The following MTMR3 variants were observed in gnomAD, a reference collection of about 807,000 sequenced individuals.
The protein encoded by MTMR3 is myotubularin related protein 3, also known as phosphatidylinositol-3,5-bisphosphate 3-phosphatase MTMR3.
In MTMR3, 32 loss-of-function variants were observed where a neutral mutation model predicts 132.4. The ratio of observed to expected loss-of-function variants is 0.24; its 90% confidence interval spans 0.18 to 0.32. MTMR3 has a LOEUF of 0.32. Ranked by LOEUF, MTMR3 falls within the 10% of genes least tolerant of loss-of-function variation. MTMR3 has a pLI of 1.00. For synonymous variants in MTMR3, 556 were observed against 550.3 expected, an observed-to-expected ratio of 1.01 and a Z score of -0.14; for missense variants, 1,216 against 1,489.6, an observed-to-expected ratio of 0.82 and a Z score of 3.02.
chr22:29,903,393 T>TA (rs1211095748), intron 1 of MTMR3, among the ~76,000 whole-genome samples: 1 of 144,412 alleles, frequency 6.9e-6, no homozygotes, highest in Non-Finnish European at 1.5e-5. Context: ...TTTCTTTCTT[T>TA]TTTTTTTTTT....
chr22:29,907,467 T>TA (rs1224885603), intron 1 of MTMR3, among the ~76,000 whole-genome samples: 2 of 152,114 alleles, frequency 1.3e-5, no homozygotes, highest in African/African-American at 4.8e-5. Context: ...AGCTACTTAC[T>TA]AAAGAGTAGA....
intron 1 of MTMR3, among the ~76,000 whole-genome samples, chr22:29,946,021 T>TTGTCTGTGTG (rs2065947005): frequency 6.6e-6 from 1 of 150,780 alleles, no homozygotes; most frequent in East Asian, 1.9e-4. Flanking sequence ...GTGTATATAT[T>TTGTCTGTGTG]TGTGTGTGTG....
chr22:30,005,877 T>C (rs972660047), intron 9 of MTMR3: 3 of 152,182 alleles, frequency 2.0e-5, no homozygotes, highest in African/African-American at 7.2e-5. Flanking sequence ...AGTGCTTCAG[T>C]TTTATATAGA....
chr22:29,950,025 A>G (rs532944637), intron 1 of MTMR3, among the ~76,000 whole-genome samples: 5 of 152,340 alleles, frequency 3.3e-5, no homozygotes, highest in Non-Finnish European at 5.9e-5. Flanking sequence ...TGAGAGCAAG[A>G]AGCAGGACAT....
chr22:30,020,546 G>A lies in MTMR3; in HGVS notation c.2887G>A (p.Ala963Thr). ...TPNGHCANGE[A>T]GRSKDSLSRQ... ...CAATGGGCATTGCGCCAATGGGGAG[G>A]CTGGTAGGAGCAAGGACTCACTGAG... The change falls in exon 17 of 20, where the codon GCT (alanine) becomes ACT (threonine). Residue 963 changes from alanine (A) to threonine (T), a missense_variant. Coordinates refer to ENST00000401950, the MANE Select transcript of MTMR3 (RefSeq NM_021090.4). 6.2e-7 allele frequency: 1 copy of A among 1,614,196 alleles called. No individual in the cohort carries two copies. Among genetic ancestry groups the A allele is most frequent in the Non-Finnish European group, 8.5e-7 (1 of 1,180,050 alleles).
rs746094739 is a variant in MTMR3, at chr22:30,012,470, G to A, written c.1224G>A (p.Pro408=). 31 of 1,613,982 alleles carry A rather than the reference G, an allele frequency of 1.9e-5. No individual in the cohort carries two copies. The highest frequency in any genetic ancestry group is 2.7e-5 in the African/African-American group (2 of 74,904). ...VVHAVDQDQR[P]VLVHCSDGWD... Reference sequence around the variant, plus strand: ...ATGCTGTGGATCAGGATCAGCGGCCGGTGCTAGTACACTGCTCAGATGGCT... The same window carrying A: ...ATGCTGTGGATCAGGATCAGCGGCCAGTGCTAGTACACTGCTCAGATGGCT... The change falls in exon 13 of 20, where the codon CCG becomes CCA. Residue 408 remains proline, a synonymous_variant. Coordinates refer to ENST00000401950, the MANE Select transcript of MTMR3 (RefSeq NM_021090.4).
intron 10 of MTMR3, chr22:30,007,674 C>T (rs576942750): frequency 4.1e-5 from 24 of 581,232 alleles, no homozygotes; most frequent in South Asian, 4.1e-4. Context: ...GCTGTGTGAA[C>T]CCCATGTGTA....
At chr22:29,957,125 C>T (rs886429258) in intron 2 of MTMR3, 37 bp downstream of exon 2, 1 of 152,082 alleles carries the variant, frequency 6.6e-6, no homozygotes, top group African/African-American at 2.4e-5. Flanking sequence ...CCCCCGCCCC[C>T]CTCCAATACT....
rs145290484 is a variant in MTMR3, at chr22:29,903,671, G to A, written c.-138+20312G>A. Among the ~76,000 whole-genome samples the A allele has an allele frequency of 2.1e-4, 32 of 152,252 alleles. No homozygotes were observed. The East Asian group carries it at 6.0e-3, about 28-fold the overall frequency. On this transcript the variant is annotated intron_variant, in intron 1 of 19. Coordinates refer to ENST00000401950, the MANE Select transcript of MTMR3 (RefSeq NM_021090.4). The stretch of plus-strand genomic sequence containing the variant: ...GCCTCCCAATGTGCTGGGATCACAG[G>A]TGTGAGCCACCTTGCCCAGCCATTT...
chr22:29,908,922 A>G (rs1316754313), intron 1 of MTMR3, among the ~76,000 whole-genome samples: 2 of 152,064 alleles, frequency 1.3e-5, no homozygotes, highest in African/African-American at 2.4e-5. Context: ...GTGCTTCCCA[A>G]AAGTTAAGAG....
intron 2 of MTMR3, among the ~76,000 whole-genome samples, chr22:29,968,386 AAC>A: frequency 6.6e-6 from 1 of 152,320 alleles, no homozygotes; most frequent in East Asian, 1.9e-4. Flanking sequence ...TTTATTCTAA[AAC>A]ACAAATATCT....
chr22:29,938,296 A>T (rs2065789247), intron 1 of MTMR3, among the ~76,000 whole-genome samples: 1 of 152,224 alleles, frequency 6.6e-6, no homozygotes, highest in South Asian at 2.1e-4. Context: ...CCCGCTTGGT[A>T]CAACCTTCTC....
At chr22:29,887,879 A>G (rs775613046) in intron 1 of MTMR3, among the ~76,000 whole-genome samples, 15 of 150,812 alleles carry the variant, frequency 9.9e-5, no homozygotes, top group Admixed American at 1.3e-4. Flanking sequence ...AAAAGTAAAT[A>G]TAGACACAGA....
chr22:29,929,802 G>T (rs938936729), intron 1 of MTMR3, among the ~76,000 whole-genome samples: 1 of 152,122 alleles, frequency 6.6e-6, no homozygotes, highest in African/African-American at 2.4e-5. Context: ...GTGAGCCACC[G>T]CGCCCGGCCT....
chr22:29,891,029 A>G (rs376221334), intron 1 of MTMR3, among the ~76,000 whole-genome samples: 5 of 133,996 alleles, frequency 3.7e-5, no homozygotes, highest in African/African-American at 1.4e-4. Context: ...ATCTCTTTAG[A>G]AAAAAAAAAA....
At chr22:30,021,646 A>G (rs1229767091) in intron 17 of MTMR3, 2 of 198,326 alleles carry the variant, frequency 1.0e-5, no homozygotes, top group African/African-American at 4.7e-5. Context: ...GAGTCCTTCT[A>G]AGAAAAGGAG....
chr22:29,974,715 A>G (rs993749421), intron 3 of MTMR3, among the ~76,000 whole-genome samples: 4 of 152,360 alleles, frequency 2.6e-5, no homozygotes, highest in Middle Eastern at 3.4e-3. Context: ...AAAAGTCAGC[A>G]GAAAACTAGG....
chr22:29,884,325 A>G (rs1055541302), intron 1 of MTMR3, among the ~76,000 whole-genome samples: 1 of 152,156 alleles, frequency 6.6e-6, no homozygotes, highest in African/African-American at 2.4e-5. Flanking sequence ...CAACTTTCTC[A>G]TATGTGAATG....
At chr22:29,910,816 A>G (rs906482306) in intron 1 of MTMR3, among the ~76,000 whole-genome samples, 2 of 152,014 alleles carry the variant, frequency 1.3e-5, no homozygotes, top group African/African-American at 2.4e-5. Flanking sequence ...AGTAAAAGGC[A>G]AAAAGATTTA....
Sources: gnomAD v4.1 joint callset for allele counts (sites outside exome capture counted in the v4.1 genomes callset) on GRCh38, gnomAD v4.1.1 for gene constraint, MANE v1.5 for transcripts, NCBI Gene and HGNC (gene_info 2026-07-23, HGNC 2026-07-21) for gene names.